TRIP12: variants seen among roughly 807,000 people sequenced by gnomAD.
TRIP12 encodes the protein E3 ubiquitin-protein ligase TRIP12.
In TRIP12, 25 loss-of-function variants were observed where a neutral mutation model predicts 244.2. The observed-to-expected ratio is 0.10, with a 90% CI of 0.07 to 0.14. The LOEUF (loss-of-function observed/expected upper bound fraction) is 0.14. TRIP12 is among the 10% of genes least tolerant of loss of function. TRIP12 has a pLI of 1.00. For synonymous variants in TRIP12, 905 were observed against 873.1 expected, an observed-to-expected ratio of 1.04 and a Z score of -0.64; for missense variants, 1,677 against 2,486.4, an observed-to-expected ratio of 0.67 and a Z score of 6.92.
At position 229,778,582 on chromosome 2, in the gene TRIP12, G is replaced by T. The variant is rs764351547; in HGVS notation, c.5215C>A (p.Gln1739Lys). Residue 1739 changes from glutamine (Q) to lysine (K), a missense_variant, in exon 36 of 42, where the codon CAA becomes AAA. Physicochemically the swap from Gln to Lys is moderately conservative, Grantham distance 53 (BLOSUM62 1). Around this residue, in one of 11 missense-constraint regions of TRIP12, gnomAD observed 18 missense variants for 16.8 expected, o/e 1.07. Transcript: ENST00000675903. This position sits in a 1 kb window ranked among gnomAD's most constrained non-coding sequence, Gnocchi z 4.1. ...EVTLSNPKGS[Q>K]EGTKYIQNLQ... is the part of the protein sequence containing the mutation. ...TTTTGAATATACTTGGTCCCTTCTT[G>T]GCTCCCTGAAAAACAAGCAATGCAG... 46 of 1,609,436 alleles carry T rather than the reference G, an allele frequency of 2.9e-5. No homozygotes were observed. Among genetic ancestry groups the T allele is most frequent in the Non-Finnish European group, 3.7e-5 (43 of 1,178,072 alleles).
At position 229,859,199 on chromosome 2, in the gene TRIP12, C is replaced by T. The variant is rs934280751; in HGVS notation, c.600G>A (p.Lys200=). The T allele has an allele frequency of 6.2e-7, 1 of 1,614,166 alleles. No individual in the cohort carries two copies. The highest frequency in any genetic ancestry group is 8.5e-7 in the Non-Finnish European group (1 of 1,180,038). Reference sequence around the variant, plus strand: ...CAGTTGATTCAGACCCGGAGCCACTCTTTACACAAGAACTCTCTGTCCTTT... The same window carrying T: ...CAGTTGATTCAGACCCGGAGCCACTTTTTACACAAGAACTCTCTGTCCTTT... ...KRKRTESSCV[K]SGSGSESTGA... Residue 200 remains lysine, a synonymous_variant, in exon 4 of 42, where the codon AAG becomes AAA. Transcript: ENST00000675903.
chr2:229,775,408 G>T (rs1373054024), intron 37 of TRIP12, among the ~76,000 whole-genome samples: 2 of 147,640 alleles, frequency 1.4e-5, no homozygotes, highest in African/African-American at 5.0e-5. Context: ...AAAAAAGAAA[G>T]TTCTCCATTT....
At chr2:229,857,364 G>A (rs575401236) in intron 4 of TRIP12, among the ~76,000 whole-genome samples, 126 of 152,240 alleles carry the variant, frequency 8.3e-4, no homozygotes, top group Admixed American at 2.6e-3. Context: ...TGGGCACAGT[G>A]GCTCACACTT....
rs746834799 is a variant in TRIP12, at chr2:229,796,690, C to T, written c.3717G>A (p.Val1239=). 2 of 1,612,908 alleles carry T rather than the reference C, an allele frequency of 1.2e-6. No homozygotes were observed. The highest frequency in any genetic ancestry group is 2.2e-5 in the East Asian group (1 of 44,810). The change falls in exon 25 of 42, where the codon GTG becomes GTA. Residue 1239 remains valine, a synonymous_variant. Coordinates refer to ENST00000675903, the MANE Select transcript of TRIP12 (RefSeq NM_001348323.3). ...SSFEIQHSGF[V]KQLLLYLTSK... ...ATGTCAAATAAAGCAACAGCTGCTT[C>T]ACAAATCCACTATGTTGGATTTCAA...
chr2:229,837,021 A>G (rs1311525908), intron 5 of TRIP12, 37 bp from the exon 6 acceptor site: 1 of 1,483,036 alleles, frequency 6.7e-7, no homozygotes, highest in South Asian at 1.4e-5. Flanking sequence ...CAGCATTACC[A>G]GTGAACCAGG....
chr2:229,865,630 T>C (rs987012746), intron 2 of TRIP12, among the ~76,000 whole-genome samples: 1 of 152,154 alleles, frequency 6.6e-6, no homozygotes, highest in African/African-American at 2.4e-5. Context: ...TATATGTGTA[T>C]ACAGACACAT....
intron 38 of TRIP12, chr2:229,773,412 C>T (rs2035175229): frequency 6.6e-6 from 1 of 152,196 alleles, no homozygotes; most frequent in African/African-American, 2.4e-5. Flanking sequence ...GAGAAACGAT[C>T]TTGCTCTGTC....
chr2:229,846,492 T>C (rs927757278), intron 4 of TRIP12, among the ~76,000 whole-genome samples: 1 of 152,232 alleles, frequency 6.6e-6, no homozygotes, highest in Non-Finnish European at 1.5e-5. Context: ...ATTTATTGCA[T>C]GCTTACTAGA....
chr2:229,803,276 G>A (rs1202044873), intron 20 of TRIP12, among the ~76,000 whole-genome samples: 3 of 152,096 alleles, frequency 2.0e-5, no homozygotes, highest in Non-Finnish European at 4.4e-5. Context: ...ACCACACCCC[G>A]CTAATTTTTG....
At chr2:229,918,424 G>C (rs1348735462) in intron 1 of TRIP12, among the ~76,000 whole-genome samples, 2 of 152,186 alleles carry the variant, frequency 1.3e-5, no homozygotes, top group African/African-American at 4.8e-5. Flanking sequence ...TAAAAGGGGG[G>C]AAAGTTCCCT....
At chr2:229,865,892 A>G (rs115978485) in intron 2 of TRIP12, among the ~76,000 whole-genome samples, 2 of 152,334 alleles carry the variant, frequency 1.3e-5, no homozygotes, top group African/African-American at 4.8e-5. Flanking sequence ...TCCTATCTTT[A>G]GTTACACTGA....
In TRIP12 at chr2:229,795,246, G is replaced by A. The variant is rs1341437584; in HGVS notation, c.3901C>T (p.Leu1301Phe). 1.9e-6 allele frequency: 3 copies of A among 1,613,924 alleles called. No homozygotes were observed. The highest frequency in any genetic ancestry group is 1.7e-6 in the Non-Finnish European group (2 of 1,179,970). The change falls in exon 26 of 42, where the codon CTC becomes TTC. Residue 1301 changes from leucine (L) to phenylalanine (F), a missense_variant. Coordinates refer to ENST00000675903, the MANE Select transcript of TRIP12 (RefSeq NM_001348323.3). ...LALVHKMNNC[L>F]SQMEQFPVKV... ...ACTGGAAATTGTTCCATCTGGCTGA[G>A]GCAGTTGTTCATCTTGTGAACTAAT...
chr2:229,814,940 A>G (rs1395347900), intron 11 of TRIP12, among the ~76,000 whole-genome samples, 159 bp downstream of exon 11: 1 of 152,242 alleles, frequency 6.6e-6, no homozygotes, highest in Non-Finnish European at 1.5e-5. Flanking sequence ...GATTCTATCA[A>G]TGATTTATCT....
rs1413877335 is a variant in TRIP12 at position 229,860,531 on chromosome 2, C to A, written c.99G>T (p.Arg33Ser). The change falls in exon 3 of 42, where the codon AGG becomes AGT. Residue 33 changes from arginine (R) to serine (S), a missense_variant and splice_region_variant. This residue lies in a region of TRIP12 where 387 missense variants were observed against 392.6 expected (regional missense o/e 0.99). Coordinates refer to ENST00000675903, the MANE Select transcript of TRIP12 (RefSeq NM_001348323.3). ...AQPQDDSIGG[R>S]SHLGQAKHKG... ...TATGTTTTGCCTGCCCTAAATGTGA[C>A]CTGTCAGCAGAAAATCAAAACAGAA... 1.9e-6 allele frequency: 3 copies of A among 1,590,308 alleles called. No homozygotes were observed. The highest frequency in any genetic ancestry group is 2.6e-6 in the Non-Finnish European group (3 of 1,170,106).
intron 5 of TRIP12, among the ~76,000 whole-genome samples, chr2:229,839,898 G>C (rs557670246): frequency 1.3e-5 from 2 of 152,240 alleles, no homozygotes; most frequent in South Asian, 4.2e-4. Context: ...TAGTTGTTTT[G>C]AAAGTGAGAT....
rs531855135 is a variant in TRIP12 at position 229,811,390 on chromosome 2, C to T, written c.1987-186G>A. ...AGTAACATCACAATTTCAAAACAAA[C>T]AGGAAACAAACCAACCTCTCTCTTG... On this transcript the variant is annotated intron_variant, in intron 13 of 41. Transcript: ENST00000675903. Among the ~76,000 whole-genome samples, 20 of 151,692 alleles carry T rather than the reference C, an allele frequency of 1.3e-4. No homozygotes were observed. The South Asian group carries it at 4.2e-3, about 32-fold the overall frequency.
At chr2:229,860,769 T>G (rs1322057920) in intron 2 of TRIP12, among the ~76,000 whole-genome samples, 6 of 152,044 alleles carry the variant, frequency 3.9e-5, no homozygotes, top group Non-Finnish European at 8.8e-5. Context: ...TCACCAGTAG[T>G]CATAATTGCA....
chr2:229,920,794 G>C (rs1175050016), intron 1 of TRIP12, among the ~76,000 whole-genome samples: 1 of 152,144 alleles, frequency 6.6e-6, no homozygotes, highest in African/African-American at 2.4e-5. Context: ...CTGAGGAAGG[G>C]AGAGACGCCG....
intron 1 of TRIP12, chr2:229,894,377 T>G (rs2068185379): frequency 6.6e-6 from 1 of 152,076 alleles, no homozygotes; most frequent in African/African-American, 2.4e-5. Context: ...ACACTAAAAG[T>G]GGAACTATAC....
Sources: allele counts gnomAD v4.1 joint callset (sites outside exome capture counted in the v4.1 genomes callset), GRCh38; gene constraint gnomAD v4.1.1; regional missense constraint gnomAD v4.1.1; non-coding constraint Gnocchi (gnomAD v3.1); transcripts MANE v1.5; gene names NCBI Gene and HGNC (gene_info 2026-07-23, HGNC 2026-07-21).